The following ST6GALNAC3 variants were observed in gnomAD, a reference collection of about 807,000 sequenced individuals.
ST6GALNAC3 encodes ST6 N-acetylgalactosaminide alpha-2,6-sialyltransferase 3, also known as alpha-N-acetylgalactosaminide alpha-2,6-sialyltransferase 3.
ST6GALNAC3 carries 25 observed loss-of-function variants against 32.7 expected under a neutral mutation model. That is an observed-to-expected ratio of 0.76 (90% CI 0.56 to 1.07). ST6GALNAC3 has a LOEUF of 1.07. Among genes scored for constraint, ST6GALNAC3 ranks in the 50% least tolerant of loss-of-function variants. The pLI is 0.00. For synonymous variants in ST6GALNAC3, 129 were observed against 133.1 expected, an observed-to-expected ratio of 0.97 and a Z score of 0.21; for missense variants, 355 against 382.4, an observed-to-expected ratio of 0.93 and a Z score of 0.60.
At chr1:76,185,023 AT>A (rs894952276) in intron 1 of ST6GALNAC3, among the ~76,000 whole-genome samples, 80 of 151,980 alleles carry the variant, frequency 5.3e-4, no homozygotes, top group African/African-American at 1.6e-3. Flanking sequence ...AAGGTAGCAC[AT>A]TTTTTTTAAT....
intron 3 of ST6GALNAC3, among the ~76,000 whole-genome samples, chr1:76,623,317 A>G (rs1010311931): frequency 6.6e-6 from 1 of 151,980 alleles, no homozygotes; most frequent in Non-Finnish European, 1.5e-5. Context: ...CCTGACCGGT[A>G]AAATCAAAGG....
chr1:76,358,800 C>T (rs1002558245), intron 2 of ST6GALNAC3, among the ~76,000 whole-genome samples: 2 of 152,162 alleles, frequency 1.3e-5, no homozygotes. Flanking sequence ...CATCTCATAC[C>T]ATGTTGCTCT....
At chr1:76,127,380 G>A (rs1471034666) in intron 1 of ST6GALNAC3, among the ~76,000 whole-genome samples, 1 of 152,168 alleles carries the variant, frequency 6.6e-6, no homozygotes, top group South Asian at 2.1e-4. Flanking sequence ...ATAACAGATG[G>A]TGATGAGGTG....
chr1:76,230,524 ATTTAAT>A (rs1298178221), intron 1 of ST6GALNAC3, among the ~76,000 whole-genome samples: 2 of 152,182 alleles, frequency 1.3e-5, no homozygotes, highest in African/African-American at 4.8e-5. Context: ...TTTCAAAGTA[ATTTAAT>A]TTTATGTTGT....
intron 2 of ST6GALNAC3, among the ~76,000 whole-genome samples, chr1:76,369,048 T>C (rs1650610431): frequency 6.6e-6 from 1 of 152,200 alleles, no homozygotes; most frequent in South Asian, 2.1e-4. Context: ...AGTGAAATGT[T>C]GCTTACCTTT....
At chr1:76,217,473 G>A (rs1164533710) in intron 1 of ST6GALNAC3, among the ~76,000 whole-genome samples, 1 of 152,110 alleles carries the variant, frequency 6.6e-6, no homozygotes, top group Non-Finnish European at 1.5e-5. Context: ...TCCCTATCCA[G>A]GTTGATGACT....
intron 1 of ST6GALNAC3, among the ~76,000 whole-genome samples, chr1:76,270,794 G>A (rs565851913): frequency 4.6e-5 from 7 of 152,160 alleles, no homozygotes; most frequent in African/African-American, 9.7e-5. Context: ...TGAGGGGTAC[G>A]TGTCCTCATT....
At chr1:76,412,725 G>A (rs1654349549) in intron 3 of ST6GALNAC3, among the ~76,000 whole-genome samples, 1 of 151,996 alleles carries the variant, frequency 6.6e-6, no homozygotes, top group Non-Finnish European at 1.5e-5. Context: ...GCTGAAAGAG[G>A]AAGCCTAAAC....
At chr1:76,611,890 T>C (rs1390651406) in intron 3 of ST6GALNAC3, among the ~76,000 whole-genome samples, 1 of 152,164 alleles carries the variant, frequency 6.6e-6, no homozygotes, top group East Asian at 1.9e-4. Flanking sequence ...AGAGATGATA[T>C]GAGAAAGTGC....
intron 1 of ST6GALNAC3, among the ~76,000 whole-genome samples, chr1:76,176,381 A>T (rs1570318597): frequency 6.6e-6 from 1 of 152,176 alleles, no homozygotes; most frequent in Non-Finnish European, 1.5e-5. Context: ...TTTTTGATGG[A>T]GTTTTGAGTA....
chr1:76,474,367 A>G (rs756267777), intron 3 of ST6GALNAC3, among the ~76,000 whole-genome samples: 2 of 152,154 alleles, frequency 1.3e-5, no homozygotes, highest in Non-Finnish European at 1.5e-5. Context: ...GGAGAGCAGT[A>G]GGTGGCAAGG....
intron 3 of ST6GALNAC3, among the ~76,000 whole-genome samples, chr1:76,452,531 A>C (rs1196738355): frequency 6.6e-6 from 1 of 152,106 alleles, no homozygotes; most frequent in Admixed American, 6.6e-5. Context: ...ATCTATGGAG[A>C]TGATCATGTG....
intron 1 of ST6GALNAC3, among the ~76,000 whole-genome samples, chr1:76,244,406 G>A (rs1044894798): frequency 5.9e-5 from 9 of 152,122 alleles, no homozygotes; most frequent in Non-Finnish European, 1.3e-4. Flanking sequence ...GAGACAATTT[G>A]TCTTCCTTTC....
chr1:76,489,278 G>A (rs1055138730), intron 3 of ST6GALNAC3, among the ~76,000 whole-genome samples: 1 of 152,026 alleles, frequency 6.6e-6, no homozygotes, highest in African/African-American at 2.4e-5. Flanking sequence ...AACATATTTT[G>A]CAGGTGTGTG....
At chr1:76,635,921 A>C (rs2100751070), downstream of ST6GALNAC3, among the ~76,000 whole-genome samples, 1 of 152,166 alleles carries the variant, frequency 6.6e-6, no homozygotes, top group East Asian at 1.9e-4. Context: ...TGCTGTCTAA[A>C]TGTGTAGGAA....
rs187120661 is a variant in ST6GALNAC3, at chr1:76,564,124, T to C, written c.624-63328T>C. On this transcript the variant is annotated intron_variant, in intron 3 of 4. Coordinates refer to ENST00000328299, the MANE Select transcript of ST6GALNAC3 (RefSeq NM_152996.4). The stretch of plus-strand genomic sequence containing the variant: ...GACCGTAGACTTAATCTTGCAGCAT[T>C]GGTTCTTGTGGAAAACAGGATGATC... 2.7e-4 allele frequency among the ~76,000 whole-genome samples: 41 copies of C among 152,336 alleles called. No homozygotes were observed. In the East Asian group the frequency reaches 6.2e-3, roughly 23 times the overall value.
intron 3 of ST6GALNAC3, among the ~76,000 whole-genome samples, chr1:76,480,323 A>G (rs781639310): frequency 3.9e-5 from 6 of 152,182 alleles, no homozygotes; most frequent in African/African-American, 7.2e-5. Flanking sequence ...TTTTGAAAAA[A>G]GGTTAAAATA....
chr1:76,457,159 C>A (rs1199869878), intron 3 of ST6GALNAC3, among the ~76,000 whole-genome samples: 2 of 151,838 alleles, frequency 1.3e-5, no homozygotes, highest in East Asian at 3.9e-4. Flanking sequence ...ATGTGAAGGA[C>A]CTCTTCAAGG....
At chr1:76,558,297 G>A (rs749102870) in intron 3 of ST6GALNAC3, among the ~76,000 whole-genome samples, 2 of 152,096 alleles carry the variant, frequency 1.3e-5, no homozygotes, top group African/African-American at 4.8e-5. Context: ...GCACTCATAC[G>A]TTCATCACAG....
Sources: allele counts gnomAD v4.1 joint callset (sites outside exome capture counted in the v4.1 genomes callset), GRCh38; gene constraint gnomAD v4.1.1; transcripts MANE v1.5; gene names NCBI Gene and HGNC (gene_info 2026-07-23, HGNC 2026-07-21).